Variants in OPCML observed in about 807,000 individuals in gnomAD.
OPCML encodes the protein opioid binding protein/cell adhesion molecule like, also known as opioid-binding protein/cell adhesion molecule.
OPCML carries 13 observed loss-of-function variants against 37.8 expected under a neutral mutation model. The observed-to-expected ratio is 0.34, with a 90% CI of 0.22 to 0.55. The LOEUF (loss-of-function observed/expected upper bound fraction) is 0.55, where lower values mean the gene tolerates loss of function less well. Ranked by LOEUF, OPCML falls within the 20% of genes least tolerant of loss-of-function variation. The probability of loss-of-function intolerance (pLI) is 0.91; values close to 1 mark genes in which losing one functional copy is unlikely to be tolerated. For missense variants in OPCML, 341 were observed against 435.6 expected (o/e 0.78, Z 1.93); for synonymous variants, 176 against 168.8 (o/e 1.04, Z -0.33).
intron 1 of OPCML, among the ~76,000 whole-genome samples, chr11:132,966,195 C>T (rs1284673081): frequency 1.3e-5 from 2 of 151,812 alleles, no homozygotes; most frequent in East Asian, 1.9e-4. Context: ...TTAAGCAATG[C>T]TTTAACTGTG....
chr11:133,023,372 C>T (rs754882935), intron 1 of OPCML, among the ~76,000 whole-genome samples: 2 of 152,176 alleles, frequency 1.3e-5, no homozygotes, highest in African/African-American at 4.8e-5. Context: ...AGCATCATTA[C>T]GTCCGCTAAG....
rs543221071 is a variant in OPCML, at chr11:132,860,402, C to T, written c.146+82524G>A. The T allele has an allele frequency of 3.1e-4, 47 of 152,244 alleles. 2 individuals carry two copies. The highest frequency in any genetic ancestry group is 3.4e-3 in the Middle Eastern group (1 of 294). The allele number at this position is 152,244 out of a possible 1,614,324, so 9.4% of individuals were successfully genotyped here. A position where few individuals can be genotyped will look rare whatever the true frequency, so the allele number is the denominator to read the frequency against. On this transcript the variant is annotated intron_variant, in intron 2 of 7. Coordinates refer to ENST00000524381, the MANE Select transcript of OPCML (RefSeq NM_001012393.5). Reference sequence around the variant, plus strand: ...AGTAACTGATTTTTAAATGGAACAACGTTTGACATGACTTTTTAAGAAGGG... The same window carrying T: ...AGTAACTGATTTTTAAATGGAACAATGTTTGACATGACTTTTTAAGAAGGG...
Position 133,076,621 on chromosome 11 carries a change from C to T in OPCML, c.62-133611G>A, listed in dbSNP as rs551366346. 1.4e-4 allele frequency among the ~76,000 whole-genome samples: 21 copies of T among 152,236 alleles called. No individual in the cohort carries two copies. The South Asian group carries it at 4.2e-3, about 30-fold the overall frequency. Reference sequence around the variant, plus strand: ...TCCACTGTAACACAGAAAGACTCCTCAGAGCACTGTCACAAGTCTCAAATG... The same window carrying T: ...TCCACTGTAACACAGAAAGACTCCTTAGAGCACTGTCACAAGTCTCAAATG... On this transcript the variant is annotated intron_variant, in intron 1 of 7. Transcript: ENST00000524381.
At chr11:132,497,938 C>A (rs1020011312) in intron 4 of OPCML, among the ~76,000 whole-genome samples, 101 of 152,242 alleles carry the variant, frequency 6.6e-4, no homozygotes, top group African/African-American at 2.4e-3. Context: ...TGTTTGCAGT[C>A]AATACTCATG....
chr11:132,779,560 G>A (rs972566837), intron 2 of OPCML, among the ~76,000 whole-genome samples: 1 of 151,758 alleles, frequency 6.6e-6, no homozygotes, highest in Admixed American at 6.6e-5. Flanking sequence ...GACAGAAGGG[G>A]GGCGTGGGGA....
chr11:133,489,091 G>T lies in OPCML; in HGVS notation c.61+43173C>A, dbSNP rs372103089. ...ATGCAAAAACTCAAGATGGATTAAA[G>T]ACCTAAAGGTAAGACCTGGAACTAT... On this transcript the variant is annotated intron_variant, in intron 1 of 7. Coordinates refer to ENST00000524381, the MANE Select transcript of OPCML (RefSeq NM_001012393.5). Among the ~76,000 whole-genome samples, 26 of 152,006 alleles carry T rather than the reference G, an allele frequency of 1.7e-4. 1 individual carries two copies. The East Asian group carries it at 3.9e-3, about 23-fold the overall frequency.
At chr11:133,523,013 G>A (rs1201872804) in intron 1 of OPCML, among the ~76,000 whole-genome samples, 3 of 152,126 alleles carry the variant, frequency 2.0e-5, no homozygotes, top group Non-Finnish European at 4.4e-5. Context: ...GTGGCCACAA[G>A]CTACTATGGC....
chr11:133,219,716 C>T (rs957491411), intron 1 of OPCML, among the ~76,000 whole-genome samples: 3 of 152,258 alleles, frequency 2.0e-5, no homozygotes, highest in Admixed American at 2.0e-4. Flanking sequence ...AATCATTTAA[C>T]TCAGGGGTTC....
chr11:132,582,235 T>A (rs887016338), intron 3 of OPCML, among the ~76,000 whole-genome samples: 1 of 151,712 alleles, frequency 6.6e-6, no homozygotes, highest in Non-Finnish European at 1.5e-5. Flanking sequence ...ATTTCTACTA[T>A]AGAACAACCT....
intron 1 of OPCML, among the ~76,000 whole-genome samples, chr11:133,511,896 G>C (rs1222526947): frequency 6.6e-6 from 1 of 152,166 alleles, no homozygotes; most frequent in Admixed American, 6.5e-5. Flanking sequence ...ATGCCAGGTA[G>C]TTACTCTTCA....
chr11:133,386,707 T>C (rs1945062402), intron 1 of OPCML, among the ~76,000 whole-genome samples: 1 of 152,190 alleles, frequency 6.6e-6, no homozygotes. Flanking sequence ...GCTAAGCAAA[T>C]CACATCTAAA....
chr11:132,783,657 A>C (rs1211556765), intron 2 of OPCML, among the ~76,000 whole-genome samples: 1 of 152,184 alleles, frequency 6.6e-6, no homozygotes. Context: ...ATAAAGATAT[A>C]ATACTCCCAA....
chr11:132,531,755 C>CT (rs1565642293), intron 3 of OPCML, among the ~76,000 whole-genome samples: 1 of 88,958 alleles, frequency 1.1e-5, no homozygotes, highest in African/African-American at 8.7e-5. Flanking sequence ...ATGTTCTACC[C>CT]GTTTTTTTTT....
At chr11:133,188,707 TTATTCTA>T (rs1417757946) in intron 1 of OPCML, among the ~76,000 whole-genome samples, 1 of 152,176 alleles carries the variant, frequency 6.6e-6, no homozygotes, top group Non-Finnish European at 1.5e-5. Flanking sequence ...TTCCCTTTTG[TTATTCTA>T]TTTTTAACTA....
chr11:132,716,102 G>A (rs1369977165), intron 2 of OPCML, among the ~76,000 whole-genome samples: 2 of 152,166 alleles, frequency 1.3e-5, no homozygotes, highest in East Asian at 3.8e-4. Context: ...AAGAAGGAGG[G>A]CTGCTCCAGA....
chr11:133,126,700 A>G (rs77201384), intron 1 of OPCML, among the ~76,000 whole-genome samples: 2,521 of 152,270 alleles, frequency 0.017, 65 homozygotes, highest in African/African-American at 0.057. Context: ...TTTCAAGTCC[A>G]TATTTTAAAA....
At chr11:133,288,286 G>A (rs575178490) in intron 1 of OPCML, among the ~76,000 whole-genome samples, 2 of 152,232 alleles carry the variant, frequency 1.3e-5, no homozygotes, top group South Asian at 4.2e-4. Context: ...CTGCTTCCTG[G>A]AGACTTAGCA....
intron 2 of OPCML, among the ~76,000 whole-genome samples, chr11:132,687,147 G>T (rs563280907): frequency 1.3e-5 from 2 of 151,632 alleles, no homozygotes; most frequent in South Asian, 4.2e-4. Flanking sequence ...ATTCCCTCAG[G>T]AAATCGTGTT....
At chr11:132,754,370 G>T (rs184166147) in intron 2 of OPCML, among the ~76,000 whole-genome samples, 1 of 152,012 alleles carries the variant, frequency 6.6e-6, no homozygotes, top group African/African-American at 2.4e-5. Context: ...AAGATCTGAC[G>T]GTTTTTAAAA....
Sources: allele counts gnomAD v4.1 joint callset (sites outside exome capture counted in the v4.1 genomes callset), GRCh38; gene constraint gnomAD v4.1.1; transcripts MANE v1.5; gene names NCBI Gene and HGNC (gene_info 2026-07-23, HGNC 2026-07-21).